FER: variants seen among roughly 807,000 people sequenced by gnomAD.
The protein encoded by FER is tyrosine-protein kinase Fer.
Under a neutral mutation model 111.0 loss-of-function variants are expected in FER, and 63 were observed. That is an observed-to-expected ratio of 0.57 (90% CI 0.46 to 0.70). FER has a LOEUF of 0.70. Among genes scored for constraint, FER ranks in the 30% least tolerant of loss-of-function variants. The probability of loss-of-function intolerance (pLI) is 0.00; values close to 1 mark genes in which losing one functional copy is unlikely to be tolerated. For synonymous variants in FER, 327 were observed against 313.9 expected (o/e 1.04, Z -0.44); for missense variants, 914 against 954.0 (o/e 0.96, Z 0.55).
At chr5:109,110,144 T>C (rs1749428827) in intron 17 of FER, among the ~76,000 whole-genome samples, 1 of 152,184 alleles carries the variant, frequency 6.6e-6, no homozygotes, top group South Asian at 2.1e-4. Flanking sequence ...GGCCAAGCAT[T>C]CTTCAAGATT....
chr5:108,837,957 T>C (rs1760837839), intron 5 of FER, among the ~76,000 whole-genome samples: 1 of 152,184 alleles, frequency 6.6e-6, no homozygotes, highest in South Asian at 2.1e-4. Flanking sequence ...TTTTCAAGAA[T>C]TTGATTTCTC....
chr5:108,842,882 C>T (rs748757743), intron 5 of FER: 1 of 152,166 alleles, frequency 6.6e-6, no homozygotes, highest in Non-Finnish European at 1.5e-5. Flanking sequence ...CCATTTGATC[C>T]AGCAATCCCA....
At chr5:108,825,287 A>T (rs868286528) in intron 3 of FER, among the ~76,000 whole-genome samples, 9 of 152,316 alleles carry the variant, frequency 5.9e-5, no homozygotes, top group Admixed American at 4.6e-4. Context: ...AGTCTCAACC[A>T]TAAGAGACAG....
At chr5:108,797,406 T>C (rs113186041) in intron 2 of FER, among the ~76,000 whole-genome samples, 87 of 152,262 alleles carry the variant, frequency 5.7e-4, no homozygotes, top group African/African-American at 1.6e-3. Context: ...AAACTCAAGT[T>C]CTGACTGCTG....
At chr5:108,993,606 AGGGAGAGGGCAAGGGC>A in intron 13 of FER, among the ~76,000 whole-genome samples, 1 of 126,534 alleles carries the variant, frequency 7.9e-6, no homozygotes, top group South Asian at 2.4e-4. Flanking sequence ...GGCGAGGGCG[AGGGAGAGGGCAAGGGC>A]GAGGGCGAGG....
rs1383165825 is a variant in FER at position 109,193,280 on chromosome 5, C to G, written c.*5705C>G. On this transcript the variant is annotated 3_prime_UTR_variant, in exon 20 of 20. Coordinates refer to ENST00000281092, the MANE Select transcript of FER (RefSeq NM_005246.4). Reference sequence around the variant, plus strand: ...AGCCCTCTCCCTAAGCAGTAGCAAGCTGAGTAATGGCACACATATGTCTAG... The same window carrying G: ...AGCCCTCTCCCTAAGCAGTAGCAAGGTGAGTAATGGCACACATATGTCTAG... 1 of 152,160 alleles carries G rather than the reference C, an allele frequency of 6.6e-6. No individual in the cohort carries two copies. Among genetic ancestry groups the G allele is most frequent in the African/African-American group, 2.4e-5 (1 of 41,436 alleles). 9.4% of individuals were successfully genotyped at this position (152,160 alleles called of 1,614,324 possible).
At chr5:109,000,029 T>G (rs191634265) in intron 13 of FER, among the ~76,000 whole-genome samples, 1,538 of 152,126 alleles carry the variant, frequency 0.01, 22 homozygotes, top group African/African-American at 0.035. Flanking sequence ...GTCCAGCAGT[T>G]TTTTTGATTC....
chr5:108,838,377 G>A (rs1170907654), intron 5 of FER, among the ~76,000 whole-genome samples: 3 of 152,098 alleles, frequency 2.0e-5, no homozygotes, highest in Admixed American at 6.6e-5. Flanking sequence ...GAAGGTCTTA[G>A]AAAAGTTATT....
At chr5:108,906,207 C>G (rs1165935079) in intron 10 of FER, among the ~76,000 whole-genome samples, 2 of 152,130 alleles carry the variant, frequency 1.3e-5, no homozygotes, top group Non-Finnish European at 2.9e-5. Context: ...ACTTAGTAAA[C>G]TAGTATTGTC....
intron 13 of FER, among the ~76,000 whole-genome samples, chr5:108,971,272 C>CAAAAA (rs201694196): frequency 3.8e-4 from 29 of 76,342 alleles, no homozygotes; most frequent in Non-Finnish European, 6.2e-4. Flanking sequence ...GAACCTGTCT[C>CAAAAA]AAAAAAAAAA....
chr5:109,169,130 A>G (rs182694519), intron 17 of FER, among the ~76,000 whole-genome samples: 49 of 152,316 alleles, frequency 3.2e-4, no homozygotes, highest in Non-Finnish European at 6.3e-4. Context: ...AATGAATAAC[A>G]ATCATGGAAG....
chr5:108,995,672 G>A (rs1234152950), intron 13 of FER, among the ~76,000 whole-genome samples: 3 of 152,082 alleles, frequency 2.0e-5, no homozygotes, highest in Non-Finnish European at 1.5e-5. Context: ...TCATTGATGG[G>A]CATTTGGGTT....
intron 13 of FER, among the ~76,000 whole-genome samples, chr5:108,967,066 G>A (rs1274002357): frequency 6.6e-6 from 1 of 152,078 alleles, no homozygotes; most frequent in Non-Finnish European, 1.5e-5. Context: ...CCCCACCTAG[G>A]CCTCACACAG....
chr5:109,063,630 C>A (rs1485794684), intron 16 of FER, among the ~76,000 whole-genome samples: 1 of 152,138 alleles, frequency 6.6e-6, no homozygotes, highest in Non-Finnish European at 1.5e-5. Flanking sequence ...ATTAAAAGAA[C>A]AACATAGTAA....
At chr5:108,964,978 A>G (rs1216915834) in intron 13 of FER, among the ~76,000 whole-genome samples, 1 of 152,132 alleles carries the variant, frequency 6.6e-6, no homozygotes, top group Admixed American at 6.6e-5. Flanking sequence ...CATAAGAGTG[A>G]TCTTTATTTT....
Position 109,187,579 on chromosome 5 carries a change from C to T in FER, c.*4C>T, listed in dbSNP as rs1759024768. 6.2e-7 allele frequency: 1 copy of T among 1,614,038 alleles called. No homozygotes were observed. Among genetic ancestry groups the T allele is most frequent in the Non-Finnish European group, 8.5e-7 (1 of 1,179,978 alleles). ...CATCAAGAGAAAACTCACATAGTGA[C>T]AGGATGGCGCCAAACTCAGCCTTCA... On this transcript the variant is annotated 3_prime_UTR_variant, in exon 20 of 20. Transcript: ENST00000281092.
chr5:108,865,503 C>T (rs1254964830), intron 5 of FER, among the ~76,000 whole-genome samples: 4 of 152,118 alleles, frequency 2.6e-5, no homozygotes, highest in Admixed American at 6.6e-5. Flanking sequence ...CTTGGCAATA[C>T]CATTCAGGAC....
chr5:109,158,607 T>C (rs1281749560), intron 17 of FER, among the ~76,000 whole-genome samples: 2 of 152,194 alleles, frequency 1.3e-5, no homozygotes, highest in Non-Finnish European at 2.9e-5. Flanking sequence ...CTGTTCATCA[T>C]ACCTCTCTTG....
chr5:108,993,586 A>AGAGGGAGAGGGAGAGGGCAAGGGC (rs1763568538), intron 13 of FER, among the ~76,000 whole-genome samples: 1 of 134,394 alleles, frequency 7.4e-6, no homozygotes, highest in African/African-American at 2.9e-5. Context: ...AGGGAGAGGG[A>AGAGGGAGAGGGAGAGGGCAAGGGC]GAGGGAGAGG....
Sources: gnomAD v4.1 joint callset for allele counts (sites outside exome capture counted in the v4.1 genomes callset) on GRCh38, gnomAD v4.1.1 for gene constraint, MANE v1.5 for transcripts, NCBI Gene and HGNC (gene_info 2026-07-23, HGNC 2026-07-21) for gene names.